The following TGFB3 variants were observed in gnomAD, a reference collection of about 807,000 sequenced individuals.
TGFB3 encodes transforming growth factor beta 3.
Under a neutral mutation model 40.1 loss-of-function variants are expected in TGFB3, and 5 were observed. The observed-to-expected ratio is 0.12, with a 90% CI of 0.07 to 0.26. The LOEUF (loss-of-function observed/expected upper bound fraction) is 0.26, where lower values mean the gene tolerates loss of function less well. Ranked by LOEUF, TGFB3 falls within the 10% of genes least tolerant of loss-of-function variation. TGFB3 has a pLI of 1.00. For missense variants in TGFB3, 373 were observed against 530.1 expected (o/e 0.70, Z 2.91); for synonymous variants, 184 against 205.6 (o/e 0.89, Z 0.90).
chr14:75,971,751 T>C lies in TGFB3; in HGVS notation c.353-33A>G, dbSNP rs1425875324. 3 of 1,612,946 alleles carry C rather than the reference T, an allele frequency of 1.9e-6. No homozygotes were observed. ...ATAAAGCAGAGCAGAGGGCACAGCA[T>C]GAGCGAGACATGCAGGAACAGTGTG... On this transcript the variant is annotated intron_variant, in intron 1 of 6. Transcript: ENST00000238682. This position sits in a 1 kb window ranked among gnomAD's most constrained non-coding sequence, Gnocchi z 4.5.
At chr14:75,961,893 T>C (rs1282278229) in intron 5 of TGFB3, among the ~76,000 whole-genome samples, 1 of 152,114 alleles carries the variant, frequency 6.6e-6, no homozygotes, top group Non-Finnish European at 1.5e-5. Context: ...GCGGTGGTCA[T>C]GTGACCCAGT....
chr14:75,961,967 ATTAT>A (rs1176655090), intron 5 of TGFB3, among the ~76,000 whole-genome samples: 5 of 152,320 alleles, frequency 3.3e-5, no homozygotes, highest in Non-Finnish European at 7.4e-5. Flanking sequence ...AAGATATTCG[ATTAT>A]TTATAAAAGT....
rs2035409625 is a variant in TGFB3, at chr14:75,980,352, A to G, written c.352+190T>C. Among the ~76,000 whole-genome samples the G allele has an allele frequency of 6.6e-6, 1 of 152,210 alleles. No individual in the cohort carries two copies. Among genetic ancestry groups the G allele is most frequent in the Non-Finnish European group, 1.5e-5 (1 of 68,028 alleles). On this transcript the variant is annotated intron_variant, in intron 1 of 6. Coordinates refer to ENST00000238682, the MANE Select transcript of TGFB3 (RefSeq NM_003239.5). The surrounding 1 kb of genome is among the most constrained non-coding windows in gnomAD (Gnocchi z 4.3). ...CCTCCCAGAAGCGCCGGCTCTTAAC[A>G]GAATGGCTCTATCTCCTTCCCCACC...
chr14:75,978,962 T>G lies in TGFB3; in HGVS notation c.352+1580A>C, dbSNP rs149500657. Among the ~76,000 whole-genome samples, 1 of 152,264 alleles carries G rather than the reference T, an allele frequency of 6.6e-6. No homozygotes were observed. Among genetic ancestry groups the G allele is most frequent in the African/African-American group, 2.4e-5 (1 of 41,558 alleles). On this transcript the variant is annotated intron_variant, in intron 1 of 6. Transcript: ENST00000238682. This position sits in a 1 kb window ranked among gnomAD's most constrained non-coding sequence, Gnocchi z 5.0. ...CAGATTTCGACCTTCCTCTGATGCT[T>G]GTGGTCACTATCTCCCGCGTTGGTG...
At chr14:75,976,754 CA>C (rs2035357852) in intron 1 of TGFB3, among the ~76,000 whole-genome samples, 1 of 152,180 alleles carries the variant, frequency 6.6e-6, no homozygotes, top group Non-Finnish European at 1.5e-5. Context: ...TTCTTGACCC[CA>C]AGACCAAGTG....
chr14:75,963,547 T>C (rs1174956404), intron 4 of TGFB3, 60 bp from the exon 5 acceptor site: 3 of 1,604,644 alleles, frequency 1.9e-6, no homozygotes, highest in Non-Finnish European at 1.7e-6. Context: ...CCTTGGAGGC[T>C]GCCTCCTCCA....
chr14:75,969,999 G>A (rs2035269269), intron 3 of TGFB3, among the ~76,000 whole-genome samples: 1 of 152,112 alleles, frequency 6.6e-6, no homozygotes, highest in Admixed American at 6.5e-5. Context: ...TTGACCTCCT[G>A]GAAACTAGAG....
At chr14:75,975,194 C>A (rs2035339007) in intron 1 of TGFB3, among the ~76,000 whole-genome samples, 2 of 151,898 alleles carry the variant, frequency 1.3e-5, no homozygotes, top group Non-Finnish European at 2.9e-5. Context: ...ATGGCAAAAC[C>A]CCATCTCTAC....
intron 4 of TGFB3, 152 bp from the exon 5 acceptor site, chr14:75,963,639 T>C (rs1300864166): frequency 1.1e-6 from 1 of 878,260 alleles, no homozygotes; most frequent in African/African-American, 1.7e-5. Context: ...AATTCTGATG[T>C]CCAGGTGCAG....
At position 75,980,384 on chromosome 14, in the gene TGFB3, C is replaced by T. The variant is rs1204523102; in HGVS notation, c.352+158G>A. Among the ~76,000 whole-genome samples the T allele has an allele frequency of 6.6e-6, 1 of 152,224 alleles. No individual in the cohort carries two copies. The highest frequency in any genetic ancestry group is 1.5e-5 in the Non-Finnish European group (1 of 68,038). ...CTCTATCTCCTTCCCCACCCACCTC[C>T]CCAGCCCCAACGGAGGAGCATCGCA... On this transcript the variant is annotated intron_variant, in intron 1 of 6. Coordinates refer to ENST00000238682, the MANE Select transcript of TGFB3 (RefSeq NM_003239.5). The surrounding 1 kb of genome is among the most constrained non-coding windows in gnomAD (Gnocchi z 4.3).
At chr14:75,982,387 G>C (rs375973742), upstream of TGFB3, among the ~76,000 whole-genome samples, 190 of 152,304 alleles carry the variant, frequency 1.2e-3, 6 homozygotes, top group South Asian at 0.037. This position sits in a 1 kb window ranked among gnomAD's most constrained non-coding sequence, Gnocchi z 4.0. Context: ...CCAACCCGGG[G>C]CAGGGTCCGC....
At chr14:75,967,070 T>C (rs2035229587) in intron 3 of TGFB3, among the ~76,000 whole-genome samples, 1 of 152,196 alleles carries the variant, frequency 6.6e-6, no homozygotes, top group Admixed American at 6.5e-5. Context: ...CTTCCTGAAA[T>C]TGTGCCATCA....
chr14:75,973,179 A>T (rs1363670660), intron 1 of TGFB3, among the ~76,000 whole-genome samples: 1 of 152,264 alleles, frequency 6.6e-6, no homozygotes, highest in Non-Finnish European at 1.5e-5. Flanking sequence ...TCATAGACCC[A>T]GATTCCACAC....
At chr14:75,973,059 CTTTT>C (rs1205192142) in intron 1 of TGFB3, among the ~76,000 whole-genome samples, 1 of 152,270 alleles carries the variant, frequency 6.6e-6, no homozygotes, top group Non-Finnish European at 1.5e-5. Flanking sequence ...AAGAGCCTGT[CTTTT>C]CTCTGCTCCT....
rs757031677 is a variant in TGFB3 at position 75,959,291 on chromosome 14, C to T, written c.1135G>A (p.Val379Met). The T allele has an allele frequency of 9.3e-6, 15 of 1,613,950 alleles. No homozygotes were observed. Among genetic ancestry groups the T allele is most frequent in the East Asian group, 8.9e-5 (4 of 44,886 alleles). The change falls in exon 7 of 7, where the codon GTG becomes ATG. Residue 379 changes from valine (V) to methionine (M), a missense_variant. Physicochemically the swap from Val to Met is conservative, Grantham distance 21 (BLOSUM62 1). Transcript: ENST00000238682. ...NPEASASPCC[V>M]PQDLEPLTIL... Reference sequence around the variant, plus strand: ...GTCAGGGGCTCCAGGTCCTGGGGCACGCAGCAAGGCGAGGCAGATGCTTCA... The same window carrying T: ...GTCAGGGGCTCCAGGTCCTGGGGCATGCAGCAAGGCGAGGCAGATGCTTCA...
At position 75,959,131 on chromosome 14, in the gene TGFB3, G is replaced by T; in HGVS notation, c.*56C>A. On this transcript the variant is annotated 3_prime_UTR_variant, in exon 7 of 7. Coordinates refer to ENST00000238682, the MANE Select transcript of TGFB3 (RefSeq NM_003239.5). ...TTGTTGCTTGTGTGTTTCCCGAGGA[G>T]CGGGCAGTCAGGCAGTGGTGGTTCT... The T allele has an allele frequency of 6.2e-7, 1 of 1,610,752 alleles. No individual in the cohort carries two copies. The highest frequency in any genetic ancestry group is 8.5e-7 in the Non-Finnish European group (1 of 1,177,176).
intron 3 of TGFB3, among the ~76,000 whole-genome samples, chr14:75,968,195 C>T (rs1248556038): frequency 6.6e-6 from 1 of 152,176 alleles, no homozygotes; most frequent in Non-Finnish European, 1.5e-5. Flanking sequence ...ATGTGTGACT[C>T]AGTTTTCTCA....
At chr14:75,975,166 G>A (rs761955122) in intron 1 of TGFB3, among the ~76,000 whole-genome samples, 3 of 152,008 alleles carry the variant, frequency 2.0e-5, no homozygotes, top group Non-Finnish European at 2.9e-5. Flanking sequence ...TCAGGAGTTC[G>A]AGACCAGCCT....
intron 4 of TGFB3, among the ~76,000 whole-genome samples, chr14:75,964,785 G>T (rs762131455): frequency 6.6e-6 from 1 of 152,178 alleles, no homozygotes; most frequent in African/African-American, 2.4e-5. Context: ...CTAAGGTTCT[G>T]TGGTTACAGT....
Sources: gnomAD v4.1 joint callset for allele counts (sites outside exome capture counted in the v4.1 genomes callset) on GRCh38, gnomAD v4.1.1 for gene constraint, Gnocchi (gnomAD v3.1) non-coding constraint, MANE v1.5 for transcripts, NCBI Gene and HGNC (gene_info 2026-07-23, HGNC 2026-07-21) for gene names.